STPG2: variants seen among roughly 807,000 people sequenced by gnomAD.
STPG2 encodes the protein sperm tail PG-rich repeat containing 2.
In STPG2, 56 loss-of-function variants were observed where a neutral mutation model predicts 54.2. The ratio of observed to expected loss-of-function variants is 1.03; its 90% confidence interval spans 0.83 to 1.29. The LOEUF is 1.29. STPG2 is among the 50% of genes most tolerant of loss of function. STPG2 has a pLI of 0.00. For missense variants in STPG2, 596 were observed against 544.9 expected (o/e 1.09, Z -0.93); for synonymous variants, 200 against 181.8 (o/e 1.10, Z -0.81).
intron 9 of STPG2, among the ~76,000 whole-genome samples, chr4:97,746,141 C>T (rs563114922): frequency 6.6e-6 from 1 of 151,298 alleles, no homozygotes; most frequent in South Asian, 2.1e-4. Flanking sequence ...TTATGAAACA[C>T]ACAGATTCAT....
intron 10 of STPG2, among the ~76,000 whole-genome samples, chr4:97,573,317 A>T (rs1732645363): frequency 6.6e-6 from 1 of 152,068 alleles, no homozygotes; most frequent in African/African-American, 2.4e-5. Flanking sequence ...AAGGTTTTAA[A>T]TAAGCTCTAC....
chr4:97,667,209 A>G (rs1409962128), intron 10 of STPG2, among the ~76,000 whole-genome samples: 1 of 152,272 alleles, frequency 6.6e-6, no homozygotes, highest in Non-Finnish European at 1.5e-5. Flanking sequence ...TCTTATACAA[A>G]GTAAAGTGAA....
At chr4:97,648,412 T>A (rs1379484722) in intron 10 of STPG2, among the ~76,000 whole-genome samples, 1 of 152,238 alleles carries the variant, frequency 6.6e-6, no homozygotes, top group Non-Finnish European at 1.5e-5. Flanking sequence ...AGTGAACGAA[T>A]AAATGTACCT....
At chr4:97,715,978 G>T (rs990058061) in intron 9 of STPG2, among the ~76,000 whole-genome samples, 2 of 152,016 alleles carry the variant, frequency 1.3e-5, no homozygotes, top group Non-Finnish European at 2.9e-5. Context: ...AATCTACAAA[G>T]AATTCAAACA....
intron 9 of STPG2, among the ~76,000 whole-genome samples, chr4:97,836,219 T>C (rs1728625699): frequency 1.3e-5 from 2 of 151,982 alleles, no homozygotes; most frequent in Admixed American, 1.3e-4. Flanking sequence ...TCAATGTGGT[T>C]AATTTCATTG....
At chr4:97,931,121 A>G (rs965237861) in intron 8 of STPG2, among the ~76,000 whole-genome samples, 5 of 152,220 alleles carry the variant, frequency 3.3e-5, no homozygotes, top group African/African-American at 1.2e-4. Context: ...GGATCATGTC[A>G]TCTGCAAACA....
At position 97,955,436 on chromosome 4, in the gene STPG2, C is replaced by T. The variant is rs192108862; in HGVS notation, c.934-11429G>A. Reference sequence around the variant, plus strand: ...TTCACTGTGTTAGCCAAAATGGTCTCGATCTCCTGACCTCGTGATCCACCC... The same window carrying T: ...TTCACTGTGTTAGCCAAAATGGTCTTGATCTCCTGACCTCGTGATCCACCC... On this transcript the variant is annotated intron_variant, in intron 7 of 10. Transcript: ENST00000295268. 1.9e-3 allele frequency among the ~76,000 whole-genome samples: 289 copies of T among 151,968 alleles called. 1 individual carries two copies. The highest frequency in any genetic ancestry group is 6.7e-3 in the African/African-American group (277 of 41,454).
chr4:97,755,428 G>A (rs1286898626), intron 9 of STPG2, among the ~76,000 whole-genome samples: 1 of 152,094 alleles, frequency 6.6e-6, no homozygotes, highest in African/African-American at 2.4e-5. Context: ...ATTCATCCAT[G>A]TTCTGCAACT....
intron 10 of STPG2, among the ~76,000 whole-genome samples, chr4:97,663,815 CA>C (rs1451815017): frequency 6.6e-6 from 1 of 152,050 alleles, no homozygotes. Context: ...GAAACTAAAA[CA>C]ATAAGAAATT....
intron 5 of STPG2, among the ~76,000 whole-genome samples, chr4:98,083,432 A>T (rs1296578528): frequency 1.3e-5 from 2 of 152,174 alleles, no homozygotes; most frequent in Non-Finnish European, 2.9e-5. Flanking sequence ...CATATATAGA[A>T]ATTCTTGGAA....
intron 4 of STPG2, among the ~76,000 whole-genome samples, chr4:97,486,860 A>AACACACACACAC (rs772458069): frequency 4.1e-4 from 51 of 125,618 alleles, no homozygotes; most frequent in African/African-American, 1.3e-3. Flanking sequence ...TATGTATACA[A>AACACACACACAC]ACACACACAC....
chr4:98,060,266 C>T (rs1000328991), intron 5 of STPG2, among the ~76,000 whole-genome samples: 15 of 152,134 alleles, frequency 9.9e-5, no homozygotes, highest in African/African-American at 3.4e-4. Context: ...CATTCCTATA[C>T]ACAACAACAG....
chr4:98,092,642 C>T (rs1444227913), intron 5 of STPG2, among the ~76,000 whole-genome samples: 1 of 151,918 alleles, frequency 6.6e-6, no homozygotes, highest in Non-Finnish European at 1.5e-5. Context: ...CATAATTTTA[C>T]TTATTTGAAA....
At chr4:97,933,277 G>A (rs1406439051) in intron 8 of STPG2, among the ~76,000 whole-genome samples, 3 of 151,814 alleles carry the variant, frequency 2.0e-5, no homozygotes, top group South Asian at 4.2e-4. Context: ...TTTGTCAGGC[G>A]GGTAGATCAA....
intron 5 of STPG2, among the ~76,000 whole-genome samples, chr4:98,072,171 A>G (rs1738024067): frequency 6.6e-6 from 1 of 152,364 alleles, no homozygotes; most frequent in East Asian, 1.9e-4. Context: ...ATGCCCATCA[A>G]TGATAGACTG....
intron 5 of STPG2, among the ~76,000 whole-genome samples, chr4:98,041,683 C>A (rs1736963934): frequency 1.3e-5 from 2 of 151,794 alleles, no homozygotes; most frequent in South Asian, 4.1e-4. Flanking sequence ...GGAATAAAAC[C>A]CACTTGATCG....
chr4:97,944,195 A>G (rs964993226), intron 7 of STPG2, among the ~76,000 whole-genome samples, 188 bp from the exon 8 acceptor site: 6 of 152,150 alleles, frequency 3.9e-5, no homozygotes, highest in Admixed American at 2.6e-4. Flanking sequence ...ATGAGATATT[A>G]AAATGGAAAA....
At chr4:98,032,740 T>C (rs2149301119) in intron 5 of STPG2, among the ~76,000 whole-genome samples, 1 of 152,262 alleles carries the variant, frequency 6.6e-6, no homozygotes, top group South Asian at 2.1e-4. Flanking sequence ...CATAACAAAC[T>C]GTCTCTCAGA....
intron 1 of STPG2, among the ~76,000 whole-genome samples, chr4:98,135,989 C>T (rs1740123949): frequency 6.6e-6 from 1 of 151,144 alleles, no homozygotes; most frequent in Non-Finnish European, 1.5e-5. Flanking sequence ...GAAAATATGA[C>T]CCATAAAGAG....
Sources: allele counts gnomAD v4.1 joint callset (sites outside exome capture counted in the v4.1 genomes callset), GRCh38; gene constraint gnomAD v4.1.1; transcripts MANE v1.5; gene names NCBI Gene and HGNC (gene_info 2026-07-23, HGNC 2026-07-21).